The following SNTB1 variants were observed in gnomAD, a reference collection of about 807,000 sequenced individuals.
The protein encoded by SNTB1 is syntrophin beta 1, also known as beta-1-syntrophin.
A neutral mutation model predicts 48.9 loss-of-function variants in SNTB1; 36 were observed. The observed-to-expected ratio is 0.74, with a 90% CI of 0.56 to 0.97. The LOEUF (loss-of-function observed/expected upper bound fraction) is 0.97, where lower values mean the gene tolerates loss of function less well. SNTB1 is among the 50% of genes least tolerant of loss of function. SNTB1 has a pLI of 0.00. For missense variants in SNTB1, 786 were observed against 703.4 expected (o/e 1.12, Z -1.33); for synonymous variants, 299 against 294.6 (o/e 1.01, Z -0.15).
intron 1 of SNTB1, chr8:120,768,676 G>A (rs1459104541): frequency 6.6e-6 from 1 of 152,118 alleles, no homozygotes; most frequent in Non-Finnish European, 1.5e-5. Flanking sequence ...AAGAGAGAGA[G>A]GATGACGTCC....
intron 4 of SNTB1, chr8:120,570,894 C>T (rs181635525): frequency 5.8e-6 from 1 of 171,516 alleles, no homozygotes; most frequent in African/African-American, 2.4e-5. Context: ...TGCAAGGAGT[C>T]CTCCACCACT....
chr8:120,669,892 C>T (rs1156401551), intron 2 of SNTB1, among the ~76,000 whole-genome samples: 5 of 152,204 alleles, frequency 3.3e-5, no homozygotes, highest in Non-Finnish European at 7.3e-5. Flanking sequence ...CTGTAATACA[C>T]TTTGAGTAGC....
At chr8:120,579,943 C>G (rs954550685) in intron 3 of SNTB1, among the ~76,000 whole-genome samples, 1 of 152,164 alleles carries the variant, frequency 6.6e-6, no homozygotes, top group African/African-American at 2.4e-5. Flanking sequence ...GAGTGCACAT[C>G]AGATTAAAGA....
chr8:120,596,863 C>T (rs907851088), intron 3 of SNTB1, among the ~76,000 whole-genome samples: 2 of 152,200 alleles, frequency 1.3e-5, no homozygotes, highest in Admixed American at 1.3e-4. Flanking sequence ...ATCCAGACTA[C>T]TCTGTTCATT....
At chr8:120,784,164 T>C (rs1174947357) in intron 1 of SNTB1, among the ~76,000 whole-genome samples, 2 of 152,080 alleles carry the variant, frequency 1.3e-5, no homozygotes, top group Admixed American at 6.5e-5. Context: ...CAGCTAATTT[T>C]TGTATTTTTA....
At chr8:120,650,901 C>T (rs1817401559) in intron 2 of SNTB1, among the ~76,000 whole-genome samples, 1 of 152,126 alleles carries the variant, frequency 6.6e-6, no homozygotes, top group African/African-American at 2.4e-5. Flanking sequence ...GGCTTTATGA[C>T]TTATTGGATT....
intron 1 of SNTB1, among the ~76,000 whole-genome samples, chr8:120,754,530 G>A (rs1388423207): frequency 6.6e-6 from 1 of 152,076 alleles, no homozygotes; most frequent in Non-Finnish European, 1.5e-5. Flanking sequence ...CTGGGATTGA[G>A]ATTCCTTGTC....
chr8:120,538,992 C>T, intron 6 of SNTB1, 23 bp from the exon 7 acceptor site: 1 of 1,576,012 alleles, frequency 6.3e-7, no homozygotes, highest in Non-Finnish European at 8.6e-7. Context: ...AAGAAGAGAG[C>T]ATGAGCGATT....
At chr8:120,627,226 TACTC>T (rs1445744852) in intron 3 of SNTB1, among the ~76,000 whole-genome samples, 1 of 152,220 alleles carries the variant, frequency 6.6e-6, no homozygotes, top group Admixed American at 6.5e-5. Flanking sequence ...CTTATGAAAT[TACTC>T]ACAGTTACTA....
chr8:120,693,806 C>T lies in SNTB1; in HGVS notation c.674G>A (p.Ser225Asn), dbSNP rs1818166780. Residue 225 changes from serine to asparagine, a missense_variant, in exon 2 of 7, where the codon AGC becomes AAC. Transcript: ENST00000517992. Reference protein sequence around the residue: ...PPPESPRLGGSTSDPPSSQSF... With the variant: ...PPPESPRLGGNTSDPPSSQSF... ...CTGCGATGACGGGGGGTCTGAGGTG[C>T]TGCCCCCTAACCGAGGGGATTCAGG... 6.2e-7 allele frequency: 1 copy of T among 1,614,090 alleles called. No homozygotes were observed. The highest frequency in any genetic ancestry group is 8.5e-7 in the Non-Finnish European group (1 of 1,179,942).
chr8:120,636,007 A>T (rs1460331077), intron 2 of SNTB1: 5 of 982,056 alleles, frequency 5.1e-6, no homozygotes, highest in Non-Finnish European at 5.6e-6. Context: ...TAGAACCAGA[A>T]GATCTTTTGC....
chr8:120,584,461 A>AC (rs1703673484), intron 3 of SNTB1, among the ~76,000 whole-genome samples: 2 of 100,296 alleles, frequency 2.0e-5, no homozygotes, highest in African/African-American at 7.6e-5. Context: ...AAAAAAAAAA[A>AC]GTGTAGTAAT....
chr8:120,596,271 A>G (rs918292825), intron 3 of SNTB1, among the ~76,000 whole-genome samples: 1 of 151,554 alleles, frequency 6.6e-6, no homozygotes, highest in Non-Finnish European at 1.5e-5. Flanking sequence ...CTAAACCAAA[A>G]ATCTATCATG....
intron 1 of SNTB1, among the ~76,000 whole-genome samples, chr8:120,748,887 T>C (rs1476598290): frequency 6.6e-6 from 1 of 152,178 alleles, no homozygotes; most frequent in Non-Finnish European, 1.5e-5. Flanking sequence ...AGTAAGTCAT[T>C]TGCACTTGTC....
chr8:120,638,612 T>C (rs1194448583), intron 2 of SNTB1, among the ~76,000 whole-genome samples: 1 of 152,034 alleles, frequency 6.6e-6, no homozygotes, highest in Non-Finnish European at 1.5e-5. Flanking sequence ...TGTGTCCAAG[T>C]GTTCTTATTG....
chr8:120,791,878 C>G (rs73325128), intron 1 of SNTB1, among the ~76,000 whole-genome samples: 6,548 of 151,914 alleles, frequency 0.043, 198 homozygotes, highest in South Asian at 0.094. Context: ...TAGTACACCT[C>G]TATGGAAAAT....
chr8:120,670,247 C>A (rs751701715), intron 2 of SNTB1, among the ~76,000 whole-genome samples: 45 of 152,158 alleles, frequency 3.0e-4, no homozygotes, highest in Non-Finnish European at 6.2e-4. Context: ...GTTAGGGTAG[C>A]TTTGGAAGGG....
chr8:120,728,276 G>A (rs542398002), intron 1 of SNTB1, among the ~76,000 whole-genome samples: 3 of 152,278 alleles, frequency 2.0e-5, no homozygotes, highest in East Asian at 3.9e-4. Context: ...TTACAGGCAT[G>A]AGCCACTGTG....
chr8:120,701,821 G>T (rs749880262), intron 1 of SNTB1, among the ~76,000 whole-genome samples: 10 of 152,214 alleles, frequency 6.6e-5, no homozygotes, highest in Non-Finnish European at 1.3e-4. Context: ...GACGTTCTTG[G>T]AGAGGGGATT....
Sources: gnomAD v4.1 joint callset for allele counts (sites outside exome capture counted in the v4.1 genomes callset) on GRCh38, gnomAD v4.1.1 for gene constraint, MANE v1.5 for transcripts, NCBI Gene and HGNC (gene_info 2026-07-23, HGNC 2026-07-21) for gene names.